The following SYNE2 variants were observed in gnomAD, a reference collection of about 807,000 sequenced individuals.
SYNE2 encodes the protein nesprin-2.
Under a neutral mutation model 856.3 loss-of-function variants are expected in SYNE2, and 431 were observed. The observed-to-expected ratio is 0.50, with a 90% confidence interval of 0.47 to 0.55. SYNE2 has a LOEUF of 0.55. Ranked by LOEUF, SYNE2 falls within the 20% of genes least tolerant of loss-of-function variation. The pLI is 0.00. For missense variants in SYNE2, 8,129 were observed against 8,023.2 expected, an observed-to-expected ratio of 1.01 and a Z score of -0.50; for synonymous variants, 2,923 against 2,872.3, an observed-to-expected ratio of 1.02 and a Z score of -0.56.
intron 85 of SYNE2, among the ~76,000 whole-genome samples, chr14:64,156,916 A>G (rs1264177414): frequency 1.3e-5 from 2 of 152,124 alleles, no homozygotes; most frequent in Non-Finnish European, 2.9e-5. Context: ...GAGATTGAGG[A>G]GCCTCCCTGT....
chr14:63,818,344 CAAAAAAAA>C (rs34448523), intron 1 of SYNE2, among the ~76,000 whole-genome samples: 4 of 86,564 alleles, frequency 4.6e-5, no homozygotes, highest in Non-Finnish European at 8.9e-5. Flanking sequence ...GACTCCGTCT[CAAAAAAAA>C]AAAAAAAAAA....
chr14:63,772,197 T>C (rs1886944514), intron 1 of SYNE2, among the ~76,000 whole-genome samples: 1 of 151,586 alleles, frequency 6.6e-6, no homozygotes, highest in Non-Finnish European at 1.5e-5. Context: ...CTACAAAAAA[T>C]ACAAAAATTA....
chr14:63,914,268 A>G (rs2095509567), intron 2 of SYNE2, among the ~76,000 whole-genome samples: 1 of 152,242 alleles, frequency 6.6e-6, no homozygotes, highest in South Asian at 2.1e-4. Flanking sequence ...GATAAGTATC[A>G]CAGGACTTTA....
At chr14:63,766,251 T>C (rs1886681872) in intron 1 of SYNE2, among the ~76,000 whole-genome samples, 1 of 151,994 alleles carries the variant, frequency 6.6e-6, no homozygotes. Flanking sequence ...GCTAATTTTT[T>C]GTATTTTTAG....
intron 31 of SYNE2, among the ~76,000 whole-genome samples, chr14:64,008,393 TA>T (rs1328838952): frequency 1.3e-5 from 2 of 152,182 alleles, no homozygotes; most frequent in Admixed American, 6.5e-5. Context: ...AGCATTACTT[TA>T]CCACACGCCC....
chr14:64,211,077 G>T (rs1273429574), intron 103 of SYNE2, among the ~76,000 whole-genome samples: 1 of 151,990 alleles, frequency 6.6e-6, no homozygotes, highest in African/African-American at 2.4e-5. Context: ...AAACTCCTAG[G>T]CTCAAGGGAT....
intron 1 of SYNE2, among the ~76,000 whole-genome samples, chr14:63,782,998 A>G (rs1057444815): frequency 2.6e-5 from 4 of 152,100 alleles, no homozygotes; most frequent in African/African-American, 9.7e-5. Context: ...TATTGGGACA[A>G]TCTGACATAT....
At chr14:64,125,327 A>C in intron 71 of SYNE2, 117 bp downstream of exon 71, 1 of 1,428,406 alleles carries the variant, frequency 7.0e-7, no homozygotes, top group Admixed American at 1.9e-5. Context: ...ACATAATGGA[A>C]TGGGTCCTAG....
chr14:63,869,810 G>A (rs769583645), intron 1 of SYNE2, among the ~76,000 whole-genome samples: 26 of 152,012 alleles, frequency 1.7e-4, no homozygotes, highest in Non-Finnish European at 2.9e-4. Context: ...AGACCCATTA[G>A]CCCACCCCAT....
intron 35 of SYNE2, among the ~76,000 whole-genome samples, chr14:64,020,778 G>A (rs186557016): frequency 2.1e-4 from 32 of 152,266 alleles, no homozygotes; most frequent in African/African-American, 7.5e-4. Context: ...ATTTGTTTTT[G>A]TTTTTCTTAG....
chr14:64,070,318 G>A (rs2097395879), intron 51 of SYNE2, among the ~76,000 whole-genome samples: 2 of 152,180 alleles, frequency 1.3e-5, no homozygotes, highest in African/African-American at 2.4e-5. Flanking sequence ...CAGTTTGGTG[G>A]AGCTCATGTG....
At chr14:64,215,250 A>T in intron 106 of SYNE2, 36 bp from the exon 107 acceptor site, 1 of 1,593,190 alleles carries the variant, frequency 6.3e-7, no homozygotes, top group South Asian at 1.1e-5. Context: ...ATCTTCAGGC[A>T]CCTCCAGTGA....
At chr14:63,969,644 AT>A (rs945819965) in intron 11 of SYNE2, among the ~76,000 whole-genome samples, 1 of 151,390 alleles carries the variant, frequency 6.6e-6, no homozygotes, top group African/African-American at 2.4e-5. Context: ...CCCGGCCCTT[AT>A]TTTTTTTATG....
chr14:63,802,847 G>A (rs566299488), intron 1 of SYNE2, among the ~76,000 whole-genome samples: 4 of 151,982 alleles, frequency 2.6e-5, no homozygotes, highest in African/African-American at 9.7e-5. Context: ...GGAGTTGTTC[G>A]TTCCTCCTGG....
chr14:63,841,126 G>T (rs1165684825), intron 1 of SYNE2, among the ~76,000 whole-genome samples: 4 of 152,148 alleles, frequency 2.6e-5, no homozygotes, highest in African/African-American at 9.7e-5. Flanking sequence ...GGCTTAGAGG[G>T]GGGGCCCCAA....
intron 1 of SYNE2, among the ~76,000 whole-genome samples, chr14:63,797,469 T>C (rs947016198): frequency 2.0e-5 from 3 of 152,172 alleles, no homozygotes; most frequent in African/African-American, 7.2e-5. Flanking sequence ...TTATTCAACT[T>C]GTTTGGAGCC....
intron 84 of SYNE2, among the ~76,000 whole-genome samples, chr14:64,149,142 CAA>C (rs542725661): frequency 7.1e-6 from 1 of 140,462 alleles, no homozygotes; most frequent in African/African-American, 2.6e-5. Flanking sequence ...CAGTCTCTAC[CAA>C]AAAAAAAAAA....
intron 31 of SYNE2, among the ~76,000 whole-genome samples, chr14:64,008,523 C>A (rs2096818239): frequency 6.6e-6 from 1 of 152,136 alleles, no homozygotes; most frequent in Admixed American, 6.5e-5. Flanking sequence ...GTTGGCAATT[C>A]TTATTTTTTA....
chr14:64,124,987 A>C (rs1260282044), intron 70 of SYNE2, 92 bp from the exon 71 acceptor site: 1 of 1,531,298 alleles, frequency 6.5e-7, no homozygotes, highest in Non-Finnish European at 8.9e-7. Context: ...TGGGCGACAG[A>C]GCAAGACTCC....
Sources: allele counts gnomAD v4.1 joint callset (sites outside exome capture counted in the v4.1 genomes callset), GRCh38; gene constraint gnomAD v4.1.1; transcripts MANE v1.5; gene names NCBI Gene and HGNC (gene_info 2026-07-23, HGNC 2026-07-21).